PTPRT: variants seen among roughly 807,000 people sequenced by gnomAD.
The protein encoded by PTPRT is receptor-type tyrosine-protein phosphatase T.
A neutral mutation model predicts 176.8 loss-of-function variants in PTPRT; 56 were observed. That is an observed-to-expected ratio of 0.32 (90% CI 0.26 to 0.40). The LOEUF is 0.40. Among genes scored for constraint, PTPRT ranks in the 10% least tolerant of loss-of-function variants. The pLI is 1.00. For synonymous variants in PTPRT, 783 were observed against 739.0 expected, an observed-to-expected ratio of 1.06 and a Z score of -0.96; for missense variants, 1,540 against 1,908.2, an observed-to-expected ratio of 0.81 and a Z score of 3.60.
intron 6 of PTPRT, among the ~76,000 whole-genome samples, chr20:42,743,769 C>T (rs2076648226): frequency 6.6e-6 from 1 of 152,222 alleles, no homozygotes; most frequent in South Asian, 2.1e-4. Context: ...TACTGAACCT[C>T]ATCGATTACA....
intron 2 of PTPRT, among the ~76,000 whole-genome samples, chr20:42,840,495 C>T (rs986624877): frequency 1.3e-5 from 2 of 152,114 alleles, no homozygotes; most frequent in Non-Finnish European, 2.9e-5. Flanking sequence ...TCACTGCAAC[C>T]TCCGCCTCCT....
chr20:42,428,445 A>G (rs2059186177), intron 9 of PTPRT, among the ~76,000 whole-genome samples: 1 of 152,232 alleles, frequency 6.6e-6, no homozygotes, highest in Non-Finnish European at 1.5e-5. Flanking sequence ...CAGATGTAAG[A>G]GACGAAATTC....
At chr20:42,979,990 T>TGGGGGGGGG (rs34988665) in intron 1 of PTPRT, among the ~76,000 whole-genome samples, 1 of 55,584 alleles carries the variant, frequency 1.8e-5, no homozygotes, top group African/African-American at 6.9e-5. Flanking sequence ...GAAGGGGGGG[T>TGGGGGGGGG]GGGGGGGGGT....
At chr20:43,157,001 C>T (rs1177473037) in intron 1 of PTPRT, among the ~76,000 whole-genome samples, 2 of 152,160 alleles carry the variant, frequency 1.3e-5, no homozygotes, top group East Asian at 3.8e-4. Context: ...TCAACACCTA[C>T]TTGCTGAATC....
rs955910201 is a variant in PTPRT at position 42,767,889 on chromosome 20, CTT to C, written c.684+3544_684+3545del. Among the ~76,000 whole-genome samples the C allele has an allele frequency of 3.5e-5, 5 of 141,476 alleles. No homozygotes were observed. The East Asian group carries it at 6.1e-4, about 17-fold the overall frequency. 92.8% of individuals were successfully genotyped at this position (141,476 alleles called of 152,430 possible). ...ATGTATAACATATAATTATACATAA[CTT>C]AGGATAACATATAATTACATATAAT... On this transcript the variant is annotated intron_variant, in intron 5 of 30. Transcript: ENST00000373187.
At chr20:42,107,430 C>T (rs1986568650) in intron 23 of PTPRT, among the ~76,000 whole-genome samples, 1 of 152,208 alleles carries the variant, frequency 6.6e-6, no homozygotes, top group Admixed American at 6.5e-5. Context: ...GCAAGAGTGT[C>T]ATGAAACTGG....
At chr20:42,839,359 T>C (rs1164860624) in intron 2 of PTPRT, among the ~76,000 whole-genome samples, 4 of 150,580 alleles carry the variant, frequency 2.7e-5, no homozygotes, top group Admixed American at 6.6e-5. Flanking sequence ...CTCAGGCAAA[T>C]TGGAAAAAAA....
At chr20:42,476,664 C>A (rs2145311252) in intron 7 of PTPRT, among the ~76,000 whole-genome samples, 1 of 152,268 alleles carries the variant, frequency 6.6e-6, no homozygotes, top group African/African-American at 2.4e-5. Context: ...CTCTGGTGAA[C>A]CTAGAGATTC....
chr20:42,864,724 G>C (rs1479835165), intron 2 of PTPRT, among the ~76,000 whole-genome samples: 1 of 152,138 alleles, frequency 6.6e-6, no homozygotes, highest in Non-Finnish European at 1.5e-5. Flanking sequence ...AAATTCAACT[G>C]TACAGAGAAT....
At chr20:42,994,420 A>T (rs1984117002) in intron 1 of PTPRT, among the ~76,000 whole-genome samples, 1 of 152,132 alleles carries the variant, frequency 6.6e-6, no homozygotes, top group Non-Finnish European at 1.5e-5. Flanking sequence ...CTTTGTATGT[A>T]TGTATTAACC....
chr20:42,162,237 T>C (rs1989634076), intron 16 of PTPRT, among the ~76,000 whole-genome samples: 1 of 152,166 alleles, frequency 6.6e-6, no homozygotes. Context: ...ACTTTGCAGA[T>C]AGGGAAGCCT....
At chr20:43,154,866 C>T (rs1167020923) in intron 1 of PTPRT, among the ~76,000 whole-genome samples, 1 of 151,990 alleles carries the variant, frequency 6.6e-6, no homozygotes, top group Non-Finnish European at 1.5e-5. Context: ...AAGGAAATAA[C>T]CTGATTTTAA....
intron 1 of PTPRT, among the ~76,000 whole-genome samples, chr20:43,007,805 G>A (rs1265786911): frequency 2.0e-5 from 3 of 152,196 alleles, no homozygotes; most frequent in African/African-American, 7.2e-5. Flanking sequence ...AAAATAGTTA[G>A]CATAGTTGTT....
intron 1 of PTPRT, among the ~76,000 whole-genome samples, chr20:43,024,935 C>T (rs1174393124): frequency 6.6e-6 from 1 of 152,224 alleles, no homozygotes; most frequent in African/African-American, 2.4e-5. Context: ...CATAGACTTC[C>T]TGGTCTCTTG....
chr20:42,644,344 G>A (rs985767900), intron 7 of PTPRT, among the ~76,000 whole-genome samples: 1 of 152,098 alleles, frequency 6.6e-6, no homozygotes, highest in Non-Finnish European at 1.5e-5. Context: ...ATGTGTCCCT[G>A]AGATGAAATA....
chr20:43,007,092 C>T (rs58199388), intron 1 of PTPRT, among the ~76,000 whole-genome samples: 34,609 of 152,046 alleles, frequency 0.23, 4,213 homozygotes, highest in African/African-American at 0.31. Flanking sequence ...TAGAGAGAGA[C>T]GATCAGAGCT....
At chr20:42,821,716 C>T (rs538779646) in intron 2 of PTPRT, among the ~76,000 whole-genome samples, 12 of 152,204 alleles carry the variant, frequency 7.9e-5, no homozygotes, top group African/African-American at 2.6e-4. Context: ...AGCAAAGTCT[C>T]GGGATACAAA....
In PTPRT at chr20:43,034,097, G is replaced by A. The variant is rs145775771; in HGVS notation, c.89-148165C>T. 6.2e-3 allele frequency among the ~76,000 whole-genome samples: 949 copies of A among 152,350 alleles called. 8 individuals are homozygous for A. The highest frequency in any genetic ancestry group is 0.022 in the African/African-American group (921 of 41,580). On this transcript the variant is annotated intron_variant, in intron 1 of 30. Coordinates refer to ENST00000373187, the MANE Select transcript of PTPRT (RefSeq NM_007050.6). ...CGGGGGCCTCTGCCCTGGAGCTCATGCTCTTTCCTGACTGTGTGTTCCATT... is the reference window on the plus strand; with the variant it reads ...CGGGGGCCTCTGCCCTGGAGCTCATACTCTTTCCTGACTGTGTGTTCCATT...
At chr20:42,269,145 C>T (rs1175062944) in intron 13 of PTPRT, among the ~76,000 whole-genome samples, 1 of 152,216 alleles carries the variant, frequency 6.6e-6, no homozygotes, top group Non-Finnish European at 1.5e-5. Flanking sequence ...GCTTTGTTCT[C>T]TGCCATATCT....
Sources: allele counts gnomAD v4.1 joint callset (sites outside exome capture counted in the v4.1 genomes callset), GRCh38; gene constraint gnomAD v4.1.1; transcripts MANE v1.5; gene names NCBI Gene and HGNC (gene_info 2026-07-23, HGNC 2026-07-21).